Variants in SUPT6H observed in about 807,000 individuals in gnomAD.
The protein encoded by SUPT6H is SPT6 homolog, histone chaperone and transcription elongation factor, also known as transcription elongation factor SPT6.
SUPT6H carries 11 observed loss-of-function variants against 222.3 expected under a neutral mutation model. The ratio of observed to expected loss-of-function variants is 0.05; its 90% CI spans 0.03 to 0.08. SUPT6H has a LOEUF of 0.08. Ranked by LOEUF, SUPT6H falls within the 10% of genes least tolerant of loss-of-function variation. SUPT6H has a pLI of 1.00. For synonymous variants in SUPT6H, 762 were observed against 801.2 expected (o/e 0.95, Z 0.83); for missense variants, 1,422 against 2,216.0 (o/e 0.64, Z 7.19).
rs894362521 is a variant in SUPT6H at position 28,675,165 on chromosome 17, A to G, written c.538+3A>G. On this transcript the variant is annotated splice_donor_region_variant and intron_variant, in intron 5 of 36. Transcript: ENST00000314616. ...GGAAGAAGATGATGAGGAGTCAGGT[A>G]TGTTATATTGGGCAGGGAAGCCAGT... The G allele has an allele frequency of 5.6e-6, 9 of 1,607,170 alleles. No homozygotes were observed. The African/African-American group carries it at 8.1e-5, about 14-fold the overall frequency.
rs147071039 is a variant in SUPT6H at position 28,687,444 on chromosome 17, A to T, written c.2979A>T (p.Gly993=). ...QALIQYVCGL[G]PRKGTHLLKI... ...TGATCCAGTATGTTTGTGGCCTGGG[A>T]CCTCGGAAAGGGACCCACCTCCTGA... is the stretch of plus-strand genomic sequence containing the variant. The change falls in exon 23 of 37, where the codon GGA becomes GGT. Residue 993 remains glycine (G), a synonymous_variant. Transcript: ENST00000314616. 233 of 1,614,134 alleles carry T rather than the reference A, an allele frequency of 1.4e-4. No individual in the cohort carries two copies. The highest frequency in any genetic ancestry group is 8.3e-4 in the Middle Eastern group (5 of 6,054).
intron 29 of SUPT6H, among the ~76,000 whole-genome samples, chr17:28,695,916 A>T (rs2031884336): frequency 6.6e-6 from 1 of 152,152 alleles, no homozygotes; most frequent in African/African-American, 2.4e-5. Context: ...GTAGCCCTGC[A>T]CTTTGGGAGG....
At position 28,700,945 on chromosome 17, in the gene SUPT6H, T is replaced by TCCCAACGCC. The variant is rs765504676; in HGVS notation, c.4812_4820dup (p.Pro1605_Pro1607dup). The TCCCAACGCC allele has an allele frequency of 6.2e-7, 1 of 1,610,544 alleles. No homozygotes were observed. Among genetic ancestry groups the TCCCAACGCC allele is most frequent in the South Asian group, 1.1e-5 (1 of 90,928 alleles). ...TAACTGTTCATGCCTCTCCAGGTAT[T>TCCCAACGCC]CCCAACGCCAGCCCAGCAGCCAGTG... On this transcript the variant is annotated inframe_insertion, in exon 36 of 37. Coordinates refer to ENST00000314616, the MANE Select transcript of SUPT6H (RefSeq NM_003170.5).
In SUPT6H at chr17:28,677,702, T is replaced by G. The variant is rs1325435834; in HGVS notation, c.898-13T>G. 6.2e-6 allele frequency: 10 copies of G among 1,606,970 alleles called. No individual in the cohort carries two copies. The highest frequency in any genetic ancestry group is 8.5e-6 in the Non-Finnish European group (10 of 1,174,452). The stretch of plus-strand genomic sequence containing the variant: ...ATAAAGTCCGTCTCACCCTGTTGTC[T>G]TATCCACTCCAGCTCCGCTCCATCC... On this transcript the variant is annotated splice_polypyrimidine_tract_variant and intron_variant, in intron 7 of 36. Transcript: ENST00000314616.
At chr17:28,687,014 G>A (rs1162657304) in intron 21 of SUPT6H, 74 bp from the exon 22 acceptor site, 3 of 1,569,346 alleles carry the variant, frequency 1.9e-6, no homozygotes, top group Non-Finnish European at 2.6e-6. Context: ...ATTTAAACCA[G>A]AATGGTTTGG....
chr17:28,677,976 A>G (rs1327376763), intron 8 of SUPT6H, 100 bp from the exon 9 acceptor site: 1 of 1,406,912 alleles, frequency 7.1e-7, no homozygotes. Context: ...AATTTTTTAG[A>G]TTTCATCTAG....
chr17:28,677,218 A>G (rs1480608446), intron 7 of SUPT6H, among the ~76,000 whole-genome samples: 1 of 135,232 alleles, frequency 7.4e-6, no homozygotes, highest in African/African-American at 2.6e-5. Flanking sequence ...ACTAAAATAC[A>G]AAAAAAAAAA....
chr17:28,665,661 G>A (rs528970918), intron 1 of SUPT6H, among the ~76,000 whole-genome samples: 4 of 152,214 alleles, frequency 2.6e-5, no homozygotes, highest in Admixed American at 2.0e-4. Flanking sequence ...TACTTGGGAG[G>A]CTGAGGCAGG....
At chr17:28,675,309 G>A in intron 5 of SUPT6H, 92 bp from the exon 6 acceptor site, 1 of 1,504,962 alleles carries the variant, frequency 6.6e-7, no homozygotes, top group East Asian at 2.3e-5. Context: ...CTTCTCTGTT[G>A]CTCACTGGCC....
chr17:28,681,035 CA>C, intron 11 of SUPT6H: 1 of 495,544 alleles, frequency 2.0e-6, no homozygotes, highest in Non-Finnish European at 3.6e-6. Flanking sequence ...GCGGCAGCCT[CA>C]ACCGCCCGGG....
chr17:28,676,023 T>C (rs1461287934), intron 6 of SUPT6H, 134 bp from the exon 7 acceptor site: 2 of 1,027,796 alleles, frequency 1.9e-6, no homozygotes, highest in Non-Finnish European at 2.7e-6. Flanking sequence ...TCGTCCACAG[T>C]GAATATGGTT....
At chr17:28,683,503 G>T (rs777170150) in intron 16 of SUPT6H, 81 bp downstream of exon 16, 1 of 1,590,700 alleles carries the variant, frequency 6.3e-7, no homozygotes, top group East Asian at 2.2e-5. Flanking sequence ...CTCAGGAGTG[G>T]GGAACCACAA....
At position 28,697,634 on chromosome 17, in the gene SUPT6H, G is replaced by A. The variant is rs368738608; in HGVS notation, c.4224G>A (p.Leu1408=). The change falls in exon 31 of 37, where the codon TTG becomes TTA. Residue 1408 remains leucine (L), a synonymous_variant. Transcript: ENST00000314616. ...TCTTCCCACAGGAATTCGAAGATTT[G>A]GATGAGATTGTTGCTCGCTATGTCC... ...LWINSEEFED[L]DEIVARYVQP... 3 of 1,613,966 alleles carry A rather than the reference G, an allele frequency of 1.9e-6. No homozygotes were observed. Among genetic ancestry groups the A allele is most frequent in the Non-Finnish European group, 2.5e-6 (3 of 1,179,966 alleles).
chr17:28,689,639 G>A (rs2031549945), intron 25 of SUPT6H, 78 bp downstream of exon 25: 2 of 1,376,394 alleles, frequency 1.5e-6, no homozygotes, highest in African/African-American at 1.4e-5. Flanking sequence ...GGCAGTGAGT[G>A]TGCAGAGAAA....
At chr17:28,669,882 G>GC (rs1567684818) in intron 1 of SUPT6H, among the ~76,000 whole-genome samples, 3 of 152,272 alleles carry the variant, frequency 2.0e-5, no homozygotes, top group Admixed American at 6.5e-5. Flanking sequence ...GTTGCAGCGA[G>GC]CCAGGATCGT....
At chr17:28,680,323 C>T (rs1270832208) in intron 11 of SUPT6H, among the ~76,000 whole-genome samples, 7 of 147,518 alleles carry the variant, frequency 4.7e-5, no homozygotes, top group African/African-American at 1.5e-4. Flanking sequence ...AGAGGCTGGG[C>T]GTGGTGGCTC....
intron 17 of SUPT6H, 105 bp downstream of exon 17, chr17:28,683,921 T>G: frequency 1.8e-6 from 2 of 1,105,460 alleles, no homozygotes; most frequent in African/African-American, 1.6e-5. Context: ...CTGCAAGCTC[T>G]GCCTCCTAGG....
At chr17:28,690,899 C>A in intron 26 of SUPT6H, 22 bp from the exon 27 acceptor site, 1 of 1,609,502 alleles carries the variant, frequency 6.2e-7, no homozygotes, top group South Asian at 1.1e-5. Flanking sequence ...GCCTGCTCCC[C>A]ATCCTCTTTT....
intron 27 of SUPT6H, among the ~76,000 whole-genome samples, chr17:28,692,282 C>A (rs1250458898): frequency 6.9e-6 from 1 of 145,660 alleles, no homozygotes; most frequent in Non-Finnish European, 1.5e-5. Context: ...CGAGATTGCA[C>A]CACTGTACTC....
Sources: allele counts gnomAD v4.1 joint callset (sites outside exome capture counted in the v4.1 genomes callset), GRCh38; gene constraint gnomAD v4.1.1; transcripts MANE v1.5; gene names NCBI Gene and HGNC (gene_info 2026-07-23, HGNC 2026-07-21).